SORCS2: variants seen among roughly 807,000 people sequenced by gnomAD.
SORCS2 encodes the protein VPS10 domain-containing receptor SorCS2.
A neutral mutation model predicts 141.6 loss-of-function variants in SORCS2; 100 were observed. That is an observed-to-expected ratio of 0.71 (90% CI 0.60 to 0.83). The LOEUF is 0.83. Ranked by LOEUF, SORCS2 falls within the 40% of genes least tolerant of loss-of-function variation. The pLI is 0.00. For missense variants in SORCS2, 1,646 were observed against 1,560.2 expected, an observed-to-expected ratio of 1.05 and a Z score of -0.93; for synonymous variants, 789 against 676.9, an observed-to-expected ratio of 1.17 and a Z score of -2.57.
chr4:7,712,289 C>T (rs865957927), intron 14 of SORCS2, among the ~76,000 whole-genome samples: 4 of 152,206 alleles, frequency 2.6e-5, no homozygotes, highest in Admixed American at 1.3e-4. Context: ...AACCCTCACA[C>T]GGTCAGGCTG....
intron 2 of SORCS2, 62 bp downstream of exon 2, chr4:7,396,417 C>A: frequency 6.4e-7 from 1 of 1,557,194 alleles, no homozygotes. Flanking sequence ...CCCAGGCTCT[C>A]AGCTGAGGAC....
At chr4:7,528,815 G>C (rs1016866568) in intron 2 of SORCS2, among the ~76,000 whole-genome samples, 4 of 152,086 alleles carry the variant, frequency 2.6e-5, no homozygotes, top group African/African-American at 7.2e-5. Flanking sequence ...ACTCTCTCTC[G>C]GGGTCCTGGA....
At chr4:7,691,738 C>T (rs1724268730) in intron 11 of SORCS2, among the ~76,000 whole-genome samples, 1 of 152,070 alleles carries the variant, frequency 6.6e-6, no homozygotes, top group East Asian at 1.9e-4. Flanking sequence ...CTTGGTTTCC[C>T]GGGCTCCTCA....
chr4:7,207,433 G>C (rs1463050885), intron 1 of SORCS2, among the ~76,000 whole-genome samples: 4 of 152,150 alleles, frequency 2.6e-5, no homozygotes, highest in East Asian at 1.9e-4. Flanking sequence ...TGCTGGGCTG[G>C]AGTGTGGCGG....
intron 2 of SORCS2, among the ~76,000 whole-genome samples, chr4:7,400,655 A>G (rs960223512): frequency 6.6e-6 from 1 of 152,246 alleles, no homozygotes; most frequent in African/African-American, 2.4e-5. Context: ...GAATGGACAG[A>G]TGGATGGATG....
In SORCS2 at chr4:7,192,952, T is replaced by C. The variant is rs1726934666; in HGVS notation, c.306T>C (p.Pro102=). The change falls in exon 1 of 27, where the codon CCT becomes CCC. Residue 102 remains proline (P), a synonymous_variant. Coordinates refer to ENST00000507866, the MANE Select transcript of SORCS2 (RefSeq NM_020777.3). This position sits in a 1 kb window ranked among gnomAD's most constrained non-coding sequence, Gnocchi z 4.0. ...GAPGPSPGPA[P]GPGEDGAPAA... ...CGGGTCCGAGTCCCGGTCCCGCTCCTGGTCCCGGCGAGGACGGCGCCCCCG... is the reference window on the plus strand; with the variant it reads ...CGGGTCCGAGTCCCGGTCCCGCTCCCGGTCCCGGCGAGGACGGCGCCCCCG... 2 of 1,334,402 alleles carry C rather than the reference T, an allele frequency of 1.5e-6. No individual in the cohort carries two copies. The highest frequency in any genetic ancestry group is 3.1e-5 in the African/African-American group (2 of 64,480). The allele number at this position is 1,334,402 out of a possible 1,614,324, so 82.7% of individuals were successfully genotyped here. A position where few individuals can be genotyped will look rare whatever the true frequency, so the allele number is the denominator to read the frequency against.
chr4:7,592,503 A>G (rs1716988096), intron 3 of SORCS2, among the ~76,000 whole-genome samples: 1 of 152,218 alleles, frequency 6.6e-6, no homozygotes, highest in African/African-American at 2.4e-5. Context: ...ACAGCAAGGC[A>G]TGGCCATGTG....
chr4:7,668,603 C>A (rs1577920833), intron 8 of SORCS2, among the ~76,000 whole-genome samples: 1 of 152,040 alleles, frequency 6.6e-6, no homozygotes, highest in East Asian at 1.9e-4. Context: ...TGGGAAAAGT[C>A]TAGGAGGCCT....
chr4:7,719,998 T>C (rs1249997482), intron 18 of SORCS2, among the ~76,000 whole-genome samples: 1 of 151,982 alleles, frequency 6.6e-6, no homozygotes, highest in East Asian at 1.9e-4. Flanking sequence ...GGTGGGAGTG[T>C]AGGATCCAGG....
intron 3 of SORCS2, among the ~76,000 whole-genome samples, chr4:7,535,689 G>C (rs1712062021): frequency 6.6e-6 from 1 of 152,240 alleles, no homozygotes; most frequent in South Asian, 2.1e-4. Flanking sequence ...AGCCATCTGA[G>C]ACTTTAGGTT....
At chr4:7,644,735 CTCCT>C (rs577919972) in intron 4 of SORCS2, among the ~76,000 whole-genome samples, 16 of 152,336 alleles carry the variant, frequency 1.1e-4, no homozygotes, top group Non-Finnish European at 1.8e-4. Context: ...CTTTCCCTCC[CTCCT>C]GTCTTGCTTC....
At chr4:7,295,356 C>T (rs759539406) in intron 1 of SORCS2, among the ~76,000 whole-genome samples, 3 of 151,670 alleles carry the variant, frequency 2.0e-5, no homozygotes, top group South Asian at 2.1e-4. Context: ...TGGCCAGGAC[C>T]GCAGCAGGCA....
chr4:7,393,473 A>G (rs1023694487), intron 1 of SORCS2, among the ~76,000 whole-genome samples: 1 of 152,270 alleles, frequency 6.6e-6, no homozygotes, highest in Non-Finnish European at 1.5e-5. Flanking sequence ...CTGAAAACAC[A>G]GGCTTTCAGT....
chr4:7,682,008 T>G (rs902468589), intron 9 of SORCS2, among the ~76,000 whole-genome samples: 5 of 152,112 alleles, frequency 3.3e-5, no homozygotes, highest in African/African-American at 1.2e-4. Context: ...AAACCCTCCA[T>G]GAAATAAGGA....
At chr4:7,351,579 A>G (rs1720937906) in intron 1 of SORCS2, among the ~76,000 whole-genome samples, 1 of 152,108 alleles carries the variant, frequency 6.6e-6, no homozygotes, top group African/African-American at 2.4e-5. Context: ...GTGAGCTTTT[A>G]TAGGGACACC....
chr4:7,725,096 C>G (rs956270427), intron 19 of SORCS2, 58 bp from the exon 20 acceptor site: 2 of 1,561,952 alleles, frequency 1.3e-6, no homozygotes, highest in Non-Finnish European at 1.7e-6. Context: ...ACTAAGCAGC[C>G]TCTGAAATGC....
chr4:7,251,249 C>G (rs1713491164), intron 1 of SORCS2, among the ~76,000 whole-genome samples: 1 of 152,238 alleles, frequency 6.6e-6, no homozygotes, highest in South Asian at 2.1e-4. Context: ...CTTCTGAGCT[C>G]TGCCTCTTTT....
At chr4:7,536,557 T>C (rs1006220191) in intron 3 of SORCS2, among the ~76,000 whole-genome samples, 6 of 152,124 alleles carry the variant, frequency 3.9e-5, no homozygotes, top group Admixed American at 2.0e-4. Flanking sequence ...GAGCAGCCCA[T>C]GACTGTGGGG....
intron 1 of SORCS2, among the ~76,000 whole-genome samples, chr4:7,367,427 C>G (rs765804187): frequency 1.1e-3 from 175 of 152,346 alleles, no homozygotes; most frequent in Non-Finnish European, 1.7e-3. Flanking sequence ...CTCTGAGTCT[C>G]CAGTTCCTCC....
Sources: gnomAD v4.1 joint callset for allele counts (sites outside exome capture counted in the v4.1 genomes callset) on GRCh38, gnomAD v4.1.1 for gene constraint, Gnocchi (gnomAD v3.1) non-coding constraint, MANE v1.5 for transcripts, NCBI Gene and HGNC (gene_info 2026-07-23, HGNC 2026-07-21) for gene names.